The following UGT1A5 variants were observed in gnomAD, a reference collection of about 807,000 sequenced individuals.
UGT1A5 encodes the protein UDP glucuronosyltransferase family 1 member A5.
In UGT1A5, 29 loss-of-function variants were observed where a neutral mutation model predicts 40.3. The observed-to-expected ratio is 0.72, with a 90% CI of 0.54 to 0.98. The LOEUF (loss-of-function observed/expected upper bound fraction) is 0.98. UGT1A5 is among the 50% of genes least tolerant of loss of function. The pLI is 0.00. For missense variants in UGT1A5, 678 were observed against 677.9 expected (o/e 1.00, Z 0.00); for synonymous variants, 257 against 262.5 (o/e 0.98, Z 0.20).
intron 1 of UGT1A5, chr2:233,718,844 C>G (rs1382357882): frequency 6.2e-7 from 1 of 1,613,706 alleles, no homozygotes; most frequent in Non-Finnish European, 8.5e-7. Flanking sequence ...TCCAGGTTCC[C>G]CTGCCGCGGC....
chr2:233,762,139 G>C (rs983754711), intron 1 of UGT1A5, among the ~76,000 whole-genome samples: 1 of 152,114 alleles, frequency 6.6e-6, no homozygotes, highest in African/African-American at 2.4e-5. Context: ...GGACCTGTGT[G>C]ACTTTGCATT....
chr2:233,733,736 T>C (rs558044026), intron 1 of UGT1A5, among the ~76,000 whole-genome samples: 3 of 152,366 alleles, frequency 2.0e-5, no homozygotes, highest in African/African-American at 7.2e-5. Context: ...TTTGCATCGA[T>C]GTTCATCAGG....
At position 233,747,622 on chromosome 2, in the gene UGT1A5, T is replaced by C. The variant is rs1257068913; in HGVS notation, c.868-19412T>C. On this transcript the variant is annotated intron_variant, in intron 1 of 4. Coordinates refer to ENST00000373414, the MANE Select transcript of UGT1A5 (RefSeq NM_019078.2). ...GTGGAGCTACTGCATAATGAGGCCC[T>C]GATCAGGCACCTGAATGCTACTTCC... The C allele has an allele frequency of 4.4e-6, 7 of 1,577,454 alleles. No individual in the cohort carries two copies. The African/African-American group carries it at 8.2e-5, about 18-fold the overall frequency.
At chr2:233,714,345 G>A (rs2076380824) in intron 1 of UGT1A5, among the ~76,000 whole-genome samples, 1 of 152,206 alleles carries the variant, frequency 6.6e-6, no homozygotes, top group Non-Finnish European at 1.5e-5. Flanking sequence ...CTCAGAGGAA[G>A]TAGAGGTTTC....
intron 1 of UGT1A5, among the ~76,000 whole-genome samples, chr2:233,737,165 G>A (rs941026420): frequency 6.6e-6 from 1 of 152,234 alleles, no homozygotes; most frequent in African/African-American, 2.4e-5. Flanking sequence ...CCACAGAGGT[G>A]GAGTCTATAG....
At chr2:233,762,469 A>G (rs1394204644) in intron 1 of UGT1A5, among the ~76,000 whole-genome samples, 1 of 152,192 alleles carries the variant, frequency 6.6e-6, no homozygotes, top group African/African-American at 2.4e-5. Context: ...AATGTCATGG[A>G]TATCACTCCA....
chr2:233,714,886 C>A (rs930677023), intron 1 of UGT1A5, among the ~76,000 whole-genome samples: 24 of 134,284 alleles, frequency 1.8e-4, no homozygotes, highest in African/African-American at 6.3e-4. Flanking sequence ...TTAAATTTTT[C>A]TATCTTTTGA....
Position 233,713,510 on chromosome 2 carries a change from G to A in UGT1A5, c.519G>A (p.Leu173=), listed in dbSNP as rs956773418. 1 of 1,613,794 alleles carries A rather than the reference G, an allele frequency of 6.2e-7. No individual in the cohort carries two copies. The highest frequency in any genetic ancestry group is 1.3e-5 in the African/African-American group (1 of 74,876). Residue 173 remains leucine, a synonymous_variant, in exon 1 of 5, where the codon TTG becomes TTA. Transcript: ENST00000373414. ...TGTCGATTCCTGCTGTGTTTTTCTT[G>A]AGGAACATTCCATGTGATTTAGACT... is the stretch of plus-strand genomic sequence containing the variant. ...KYLSIPAVFF[L]RNIPCDLDFK...
At chr2:233,762,613 G>C (rs1698113480) in intron 1 of UGT1A5, among the ~76,000 whole-genome samples, 2 of 152,034 alleles carry the variant, frequency 1.3e-5, no homozygotes, top group South Asian at 4.1e-4. Flanking sequence ...GAGTTTTGTT[G>C]TTGTGACCTC....
chr2:233,767,797 T>G lies in UGT1A5; in HGVS notation c.1000-52T>G, dbSNP rs1012424785. The stretch of plus-strand genomic sequence containing the variant: ...TCTAGTTAGTATAGCAGATTTGTTT[T>G]CTAATCATATTATGTTCTTTCTTTA... On this transcript the variant is annotated intron_variant, in intron 2 of 4. Coordinates refer to ENST00000373414, the MANE Select transcript of UGT1A5 (RefSeq NM_019078.2). 5 of 1,614,032 alleles carry G rather than the reference T, an allele frequency of 3.1e-6. No individual in the cohort carries two copies. In the African/African-American group the frequency reaches 4.0e-5, roughly 13 times the overall value.
In UGT1A5 at chr2:233,745,829, T is replaced by C. The variant is rs1012358577; in HGVS notation, c.868-21205T>C. Among the ~76,000 whole-genome samples, 18 of 151,294 alleles carry C rather than the reference T, an allele frequency of 1.2e-4. 1 individual carries two copies. The highest frequency in any genetic ancestry group is 4.2e-4 in the African/African-American group (17 of 40,760). Reference sequence around the variant, plus strand: ...GAGTTTTGAGAGCAAGGCAGAGGACTCTGAATTTTCTTCTGTGCCCAGGAA... The same window carrying C: ...GAGTTTTGAGAGCAAGGCAGAGGACCCTGAATTTTCTTCTGTGCCCAGGAA... On this transcript the variant is annotated intron_variant, in intron 1 of 4. Coordinates refer to ENST00000373414, the MANE Select transcript of UGT1A5 (RefSeq NM_019078.2).
chr2:233,759,702 G>A (rs780884491), intron 1 of UGT1A5, among the ~76,000 whole-genome samples: 4 of 150,764 alleles, frequency 2.7e-5, no homozygotes, highest in Admixed American at 2.0e-4. Context: ...ACCTCATGGC[G>A]CGTGCTCGTG....
intron 1 of UGT1A5, chr2:233,719,231 G>C: frequency 6.2e-7 from 1 of 1,614,198 alleles, no homozygotes; most frequent in Middle Eastern, 1.6e-4. Context: ...ATGAGGCCCT[G>C]ATCAGGCACC....
intron 1 of UGT1A5, among the ~76,000 whole-genome samples, chr2:233,724,368 T>C (rs1161929215): frequency 2.1e-4 from 26 of 126,786 alleles, no homozygotes; most frequent in South Asian, 9.2e-4. Context: ...CCGGACGGGG[T>C]GGCTGCCGGG....
chr2:233,743,362 C>T (rs1294240310), intron 1 of UGT1A5: 4 of 1,036,752 alleles, frequency 3.9e-6, no homozygotes, highest in Non-Finnish European at 5.4e-6. Flanking sequence ...CTTGAAGCTG[C>T]CTGTCCCATC....
At chr2:233,729,554 C>T in intron 1 of UGT1A5, 1 of 1,614,178 alleles carries the variant, frequency 6.2e-7, no homozygotes, top group Non-Finnish European at 8.5e-7. Flanking sequence ...CACCTGAATG[C>T]TACTTCCTTT....
chr2:233,755,205 G>A, intron 1 of UGT1A5: 1 of 1,079,938 alleles, frequency 9.3e-7, no homozygotes, highest in Non-Finnish European at 1.3e-6. Flanking sequence ...CTTGCGGTAC[G>A]CCTTCTTGAT....
At chr2:233,735,191 G>T (rs1286482210) in intron 1 of UGT1A5, among the ~76,000 whole-genome samples, 1 of 150,050 alleles carries the variant, frequency 6.7e-6, no homozygotes, top group African/African-American at 2.5e-5. Flanking sequence ...TATGAATCTA[G>T]GTGCTCCTGT....
At chr2:233,741,469 A>T (rs1331222239) in intron 1 of UGT1A5, 1 of 151,940 alleles carries the variant, frequency 6.6e-6, no homozygotes, top group African/African-American at 2.4e-5. Context: ...CACACATGTA[A>T]GTTCCCTCGT....
Sources: gnomAD v4.1 joint callset for allele counts (sites outside exome capture counted in the v4.1 genomes callset) on GRCh38, gnomAD v4.1.1 for gene constraint, MANE v1.5 for transcripts, NCBI Gene and HGNC (gene_info 2026-07-23, HGNC 2026-07-21) for gene names.